Variants in NCKAP5 observed in about 807,000 individuals in gnomAD.
NCKAP5 encodes nck-associated protein 5.
Under a neutral mutation model 167.0 loss-of-function variants are expected in NCKAP5, and 92 were observed. The ratio of observed to expected loss-of-function variants is 0.55; its 90% CI spans 0.47 to 0.66. The LOEUF (loss-of-function observed/expected upper bound fraction) is 0.66, where lower values mean the gene tolerates loss of function less well. Ranked by LOEUF, NCKAP5 falls within the 30% of genes least tolerant of loss-of-function variation. The pLI, the probability that NCKAP5 is intolerant of heterozygous loss-of-function variation, is 0.00. For missense variants in NCKAP5, 2,378 were observed against 2,315.0 expected (o/e 1.03, Z -0.56); for synonymous variants, 891 against 877.4 (o/e 1.02, Z -0.27).
At chr2:133,520,266 C>A (rs1242985497) in intron 2 of NCKAP5, among the ~76,000 whole-genome samples, 1 of 152,048 alleles carries the variant, frequency 6.6e-6, no homozygotes, top group African/African-American at 2.4e-5. Flanking sequence ...GAAGAGAATG[C>A]GTGAAAAAAG....
At chr2:133,126,190 C>T (rs575552914) in intron 6 of NCKAP5, among the ~76,000 whole-genome samples, 1 of 152,318 alleles carries the variant, frequency 6.6e-6, no homozygotes, top group East Asian at 1.9e-4. Context: ...CATCTAACTT[C>T]ATTCTCCGCT....
intron 8 of NCKAP5, among the ~76,000 whole-genome samples, chr2:132,959,260 A>G (rs1373398148): frequency 1.3e-5 from 2 of 152,124 alleles, no homozygotes; most frequent in East Asian, 3.8e-4. Context: ...ATGGAAAGGT[A>G]TAATTGAGTA....
chr2:133,623,688 A>T, the NCKAP5 span, among the ~76,000 whole-genome samples: 5 of 152,140 alleles, frequency 3.3e-5, no homozygotes, highest in African/African-American at 4.8e-5. Flanking sequence ...ACTTTTACAC[A>T]CTGTTGGTGG....
intron 1 of NCKAP5, among the ~76,000 whole-genome samples, chr2:133,563,980 A>G (rs1412410877): frequency 1.3e-5 from 2 of 152,166 alleles, no homozygotes; most frequent in African/African-American, 4.8e-5. Flanking sequence ...CTAAAAATAC[A>G]AAAATTATCT....
chr2:132,840,293 T>TTTTTTA (rs1688209536), intron 11 of NCKAP5, among the ~76,000 whole-genome samples: 1 of 131,302 alleles, frequency 7.6e-6, no homozygotes, highest in African/African-American at 2.7e-5. Context: ...TTTTTTTTTT[T>TTTTTTA]GAGATAGAGT....
At chr2:132,689,976 G>T (rs1686511837) in intron 19 of NCKAP5, among the ~76,000 whole-genome samples, 3 of 152,106 alleles carry the variant, frequency 2.0e-5, no homozygotes, top group Admixed American at 2.0e-4. Flanking sequence ...ATGAAAACTT[G>T]AAGTCACCTT....
chr2:133,356,511 T>C (rs1017563686), intron 3 of NCKAP5, among the ~76,000 whole-genome samples: 5 of 152,234 alleles, frequency 3.3e-5, no homozygotes, highest in Admixed American at 3.3e-4. Flanking sequence ...TGGCATGATG[T>C]TGAAAACTGA....
At chr2:132,806,280 G>T (rs1484199841) in intron 11 of NCKAP5, among the ~76,000 whole-genome samples, 2 of 152,126 alleles carry the variant, frequency 1.3e-5, no homozygotes, top group African/African-American at 4.8e-5. Context: ...TTTCCTCTGG[G>T]TAGATACCCA....
chr2:132,779,682 TAG>T (rs1682855013), intron 15 of NCKAP5, among the ~76,000 whole-genome samples: 1 of 152,108 alleles, frequency 6.6e-6, no homozygotes, highest in Admixed American at 6.5e-5. Context: ...TATGGCTCTG[TAG>T]AGTCAAGAGC....
intron 2 of NCKAP5, among the ~76,000 whole-genome samples, chr2:133,549,927 C>A (rs1297981552): frequency 5.0e-5 from 7 of 140,070 alleles, no homozygotes; most frequent in South Asian, 2.5e-4. Context: ...CACCACCGAT[C>A]CCACAGAAAT....
chr2:133,319,519 C>G (rs547486037), intron 3 of NCKAP5, among the ~76,000 whole-genome samples: 1 of 152,076 alleles, frequency 6.6e-6, no homozygotes, highest in African/African-American at 2.4e-5. Context: ...AATCAGTGGA[C>G]TATGCACTAT....
At chr2:133,273,471 A>G (rs1378147353) in intron 4 of NCKAP5, among the ~76,000 whole-genome samples, 3 of 152,090 alleles carry the variant, frequency 2.0e-5, no homozygotes, top group Non-Finnish European at 2.9e-5. Context: ...AATAACCCAT[A>G]TCTCACAGAG....
chr2:133,533,461 T>C (rs1685521823), intron 2 of NCKAP5, among the ~76,000 whole-genome samples: 1 of 152,218 alleles, frequency 6.6e-6, no homozygotes, highest in Non-Finnish European at 1.5e-5. Context: ...ACCTTCCTCT[T>C]TCTCTAAAGT....
chr2:132,782,444 G>A lies in NCKAP5; in HGVS notation c.4367C>T (p.Ala1456Val). The change falls in exon 14 of 20, where the codon GCA (alanine) becomes GTA (valine). Residue 1456 changes from alanine (A) to valine (V), a missense_variant. Transcript: ENST00000409261. ...TGAACTCACAGCATCAGTCGCGGTTGCAGAGGCATCTGGATGCCTTCCAGA... is the reference window on the plus strand; with the variant it reads ...TGAACTCACAGCATCAGTCGCGGTTACAGAGGCATCTGGATGCCTTCCAGA... ...ETSGRHPDAS[A>V]TATDAVSSEA... The A allele has an allele frequency of 6.2e-7, 1 of 1,613,768 alleles. No individual in the cohort carries two copies. Among genetic ancestry groups the A allele is most frequent in the Non-Finnish European group, 8.5e-7 (1 of 1,179,836 alleles).
At position 133,472,750 on chromosome 2, in the gene NCKAP5, A is replaced by C. The variant is rs141334062; in HGVS notation, c.69+44708T>G. 2.5e-3 allele frequency among the ~76,000 whole-genome samples: 376 copies of C among 152,296 alleles called. 3 individuals are homozygous for C. Among genetic ancestry groups the C allele is most frequent in the African/African-American group, 8.7e-3 (361 of 41,558 alleles). On this transcript the variant is annotated intron_variant, in intron 3 of 19. Coordinates refer to ENST00000409261, the MANE Select transcript of NCKAP5 (RefSeq NM_207363.3). Reference sequence around the variant, plus strand: ...CTAGAAGCTGCTCTACCTTCTGAGCAGATATTCTCAGATAATGGCACCCCT... The same window carrying C: ...CTAGAAGCTGCTCTACCTTCTGAGCCGATATTCTCAGATAATGGCACCCCT...
intron 3 of NCKAP5, among the ~76,000 whole-genome samples, chr2:133,402,034 C>A (rs1264799973): frequency 2.0e-5 from 3 of 152,106 alleles, no homozygotes; most frequent in African/African-American, 7.2e-5. Flanking sequence ...GGGATGTCAC[C>A]CTGTCAGCGT....
At chr2:133,115,380 G>GCATCCCAT (rs1382831707) in intron 6 of NCKAP5, among the ~76,000 whole-genome samples, 8 of 152,144 alleles carry the variant, frequency 5.3e-5, no homozygotes, top group African/African-American at 1.9e-4. Flanking sequence ...TCATGAATAT[G>GCATCCCAT]GATCCCACTA....
intron 7 of NCKAP5, among the ~76,000 whole-genome samples, chr2:132,966,462 G>C (rs961037979): frequency 6.6e-6 from 1 of 152,098 alleles, no homozygotes. Flanking sequence ...CCTAAATGAG[G>C]CTAATGTCAA....
chr2:133,617,740 A>G, the NCKAP5 span, among the ~76,000 whole-genome samples: 24 of 151,956 alleles, frequency 1.6e-4, no homozygotes, highest in South Asian at 2.1e-3. Context: ...AAGGTAATTT[A>G]TAGATTCAAT....
Sources: allele counts gnomAD v4.1 joint callset (sites outside exome capture counted in the v4.1 genomes callset), GRCh38; gene constraint gnomAD v4.1.1; transcripts MANE v1.5; gene names NCBI Gene and HGNC (gene_info 2026-07-23, HGNC 2026-07-21).